CDC27: variants seen among roughly 807,000 people sequenced by gnomAD.
CDC27 encodes cell division cycle protein 27 homolog.
A neutral mutation model predicts 109.7 loss-of-function variants in CDC27; 27 were observed. That is an observed-to-expected ratio of 0.25 (90% CI 0.18 to 0.34). The LOEUF is 0.34. Among genes scored for constraint, CDC27 ranks in the 10% least tolerant of loss-of-function variants. CDC27 has a pLI of 1.00. For missense variants in CDC27, 579 were observed against 960.2 expected, an observed-to-expected ratio of 0.60 and a Z score of 5.25; for synonymous variants, 266 against 333.9, an observed-to-expected ratio of 0.80 and a Z score of 2.22.
intron 2 of CDC27, among the ~76,000 whole-genome samples, chr17:47,178,405 T>C (rs1016618376): frequency 1.3e-5 from 2 of 151,502 alleles, no homozygotes; most frequent in African/African-American, 4.9e-5. Flanking sequence ...CATGGTAGCA[T>C]GTGCCTGTAG....
Position 47,142,023 on chromosome 17 carries a change from C to A in CDC27, c.1381G>T (p.Gly461Cys). ...AFNLQKAAAE[G>C]LMSLLREMGK... ...ATTTCACGAAGAAGGCTCATCAAAC[C>A]TTCTAGGAGAAAACAACATAGTAAA... Residue 461 changes from glycine (G) to cysteine (C), a missense_variant and splice_region_variant, in exon 12 of 19, where the codon GGT becomes TGT. Physicochemically the swap from Gly to Cys is radical, Grantham distance 159. This residue lies in a region of CDC27 where 58 missense variants were observed against 116.6 expected (regional missense o/e 0.50). Coordinates refer to ENST00000066544, the MANE Select transcript of CDC27 (RefSeq NM_001256.6). The A allele has an allele frequency of 1.9e-6, 3 of 1,578,500 alleles. No individual in the cohort carries two copies. Among genetic ancestry groups the A allele is most frequent in the Non-Finnish European group, 2.6e-6 (3 of 1,166,160 alleles).
rs753643520 is a variant in CDC27 at position 47,138,823 on chromosome 17, A to G, written c.1620T>C (p.Ser540=). The change falls in exon 13 of 19, where the codon TCT becomes TCC. Residue 540 remains serine, a synonymous_variant. Coordinates refer to ENST00000066544, the MANE Select transcript of CDC27 (RefSeq NM_001256.6). ...CTTTTTGAAGATGCCAAAGTGTTGTAGAGTAGATCTCCATGCCTTCAACTC... is the reference window on the plus strand; with the variant it reads ...CTTTTTGAAGATGCCAAAGTGTTGTGGAGTAGATCTCCATGCCTTCAACTC... The part of the protein sequence containing the change: ...NYRVEGMEIY[S]TTLWHLQKDV... 2.5e-5 allele frequency: 40 copies of G among 1,605,786 alleles called. No individual in the cohort carries two copies. In the East Asian group the frequency reaches 8.7e-4, roughly 35 times the overall value.
At chr17:47,144,167 G>A (rs1344119321) in intron 9 of CDC27, among the ~76,000 whole-genome samples, 185 bp from the exon 10 acceptor site, 2 of 152,014 alleles carry the variant, frequency 1.3e-5, no homozygotes, top group Non-Finnish European at 2.9e-5. Flanking sequence ...TGAGGGACTC[G>A]GACTGGCTTT....
chr17:47,175,101 G>C (rs989975688), intron 2 of CDC27, among the ~76,000 whole-genome samples: 3 of 140,370 alleles, frequency 2.1e-5, no homozygotes, highest in Admixed American at 2.1e-4. Context: ...AAGGAAGTAA[G>C]TTGTAGCAGC....
At chr17:47,175,479 T>C (rs1381237852) in intron 2 of CDC27, among the ~76,000 whole-genome samples, 1 of 152,184 alleles carries the variant, frequency 6.6e-6, no homozygotes, top group East Asian at 1.9e-4. Context: ...TTTAAGGGCA[T>C]AGAACCTATG....
At chr17:47,124,256 C>CATCTGTCTATCTATCT (rs1555780288) in intron 16 of CDC27, among the ~76,000 whole-genome samples, 1 of 148,166 alleles carries the variant, frequency 6.7e-6, no homozygotes, top group African/African-American at 2.5e-5. Flanking sequence ...TGCTTTTGGT[C>CATCTGTCTATCTATCT]ATCTATCTAT....
chr17:47,158,180 C>T, intron 5 of CDC27, 26 bp downstream of exon 5: 1 of 1,075,420 alleles, frequency 9.3e-7, no homozygotes, highest in Admixed American at 2.5e-5. Context: ...TGGGAACCCA[C>T]CCACCTCTCA....
chr17:47,120,724 T>C lies in CDC27; in HGVS notation c.*211A>G. 1 of 454,846 alleles carries C rather than the reference T, an allele frequency of 2.2e-6. No individual in the cohort carries two copies. Among genetic ancestry groups the C allele is most frequent in the Non-Finnish European group, 3.9e-6 (1 of 254,586 alleles). The allele number at this position is 454,846 out of a possible 1,614,324, so 28.2% of individuals were successfully genotyped here. A position where few individuals can be genotyped will look rare whatever the true frequency, so the allele number is the denominator to read the frequency against. ...CCTACCCCCCATAAATTGTCATTCA[T>C]ACTGGTAAAAGAGCCAGTCTTGTTA... On this transcript the variant is annotated 3_prime_UTR_variant, in exon 19 of 19. Transcript: ENST00000066544.
At chr17:47,139,641 C>T (rs1389513759) in intron 12 of CDC27, 1 of 151,922 alleles carries the variant, frequency 6.6e-6, no homozygotes, top group African/African-American at 2.4e-5. Context: ...CAATTTTTAC[C>T]GAGAGGTTGT....
chr17:47,144,320 A>G (rs1447976434), intron 9 of CDC27, among the ~76,000 whole-genome samples: 2 of 152,210 alleles, frequency 1.3e-5, no homozygotes, highest in African/African-American at 2.4e-5. Flanking sequence ...TATAGCATAG[A>G]TCTTCACTCT....
chr17:47,181,969 G>A (rs2064257823), intron 1 of CDC27, among the ~76,000 whole-genome samples: 1 of 152,042 alleles, frequency 6.6e-6, no homozygotes, highest in Non-Finnish European at 1.5e-5. Context: ...AATAACATCT[G>A]CCCCATAAAG....
intron 2 of CDC27, among the ~76,000 whole-genome samples, chr17:47,175,039 G>GGAAGGA (rs1555558355): frequency 6.2e-5 from 8 of 130,008 alleles, no homozygotes; most frequent in African/African-American, 1.5e-4. Context: ...AAGAGAGAGA[G>GGAAGGA]AGGAAGGAAG....
intron 4 of CDC27, chr17:47,161,874 C>G (rs1287562330): frequency 6.6e-6 from 1 of 151,348 alleles, no homozygotes; most frequent in Non-Finnish European, 1.5e-5. Flanking sequence ...CTAAGTAAAG[C>G]CATTCCCTCA....
At position 47,156,993 on chromosome 17, in the gene CDC27, T is replaced by C. The variant is rs773375395; in HGVS notation, c.762A>G (p.Leu254=). The part of the protein sequence containing the change: ...TVPLGTGTSI[L]SKQVQNKPKT... The stretch of plus-strand genomic sequence containing the variant: ...TTGGTTTATTTTGAACCTGTTTAGA[T>C]AATATGGAAGTTCCTGTTCCCAGTG... The change falls in exon 7 of 19, where the codon TTA becomes TTG. Residue 254 remains leucine, a synonymous_variant. Transcript: ENST00000066544. 17 of 1,576,764 alleles carry C rather than the reference T, an allele frequency of 1.1e-5. No homozygotes were observed. In the Admixed American group the frequency reaches 2.9e-4, roughly 27 times the overall value.
At position 47,118,380 on chromosome 17, in the gene CDC27, T is replaced by C. The variant is rs917974138; in HGVS notation, c.*2555A>G. 2 of 152,656 alleles carry C rather than the reference T, an allele frequency of 1.3e-5. No individual in the cohort carries two copies. Among genetic ancestry groups the C allele is most frequent in the African/African-American group, 4.8e-5 (2 of 41,440 alleles). The allele number at this position is 152,656 out of a possible 1,614,324, so 9.5% of individuals were successfully genotyped here. ...CATTCTTTTGAGTACCACTGTTCTC[T>C]TGAAAAAATATTCTAACCTTCTAAA... On this transcript the variant is annotated 3_prime_UTR_variant, in exon 19 of 19. Transcript: ENST00000066544.
At chr17:47,123,810 G>GT in intron 17 of CDC27, 76 bp downstream of exon 17, 1 of 1,012,992 alleles carries the variant, frequency 9.9e-7, no homozygotes, top group Non-Finnish European at 1.5e-6. Flanking sequence ...TGTACAGGAA[G>GT]TATTACATTT....
chr17:47,168,722 G>A (rs1286884192), intron 4 of CDC27, among the ~76,000 whole-genome samples: 1 of 152,110 alleles, frequency 6.6e-6, no homozygotes, highest in Non-Finnish European at 1.5e-5. Context: ...CAAGAGTGGT[G>A]TTAATGGATA....
intron 4 of CDC27, chr17:47,160,939 T>A (rs1672142670): frequency 6.6e-6 from 1 of 152,200 alleles, no homozygotes; most frequent in Non-Finnish European, 1.5e-5. Flanking sequence ...CACACTTGTG[T>A]AATTTAAGCC....
intron 9 of CDC27, among the ~76,000 whole-genome samples, chr17:47,146,274 T>C (rs1251845649): frequency 2.6e-5 from 4 of 152,212 alleles, no homozygotes; most frequent in African/African-American, 7.2e-5. Flanking sequence ...AAGAGGGTAG[T>C]AGGAATCCTT....
Sources: gnomAD v4.1 joint callset for allele counts (sites outside exome capture counted in the v4.1 genomes callset) on GRCh38, gnomAD v4.1.1 for gene constraint, gnomAD v4.1.1 regional missense constraint, MANE v1.5 for transcripts, NCBI Gene and HGNC (gene_info 2026-07-23, HGNC 2026-07-21) for gene names.